Variants in NAP1L4 observed in about 807,000 individuals in gnomAD.
NAP1L4 encodes the protein nucleosome assembly protein 1-like 4.
NAP1L4 carries 15 observed loss-of-function variants against 58.2 expected under a neutral mutation model. The ratio of observed to expected loss-of-function variants is 0.26; its 90% CI spans 0.17 to 0.40. The LOEUF (loss-of-function observed/expected upper bound fraction) is 0.40, where lower values mean the gene tolerates loss of function less well. Ranked by LOEUF, NAP1L4 falls within the 10% of genes least tolerant of loss-of-function variation. NAP1L4 has a pLI of 1.00. For synonymous variants in NAP1L4, 171 were observed against 155.6 expected (o/e 1.10, Z -0.74); for missense variants, 384 against 451.1 (o/e 0.85, Z 1.35).
intron 3 of NAP1L4, among the ~76,000 whole-genome samples, chr11:2,976,803 C>T (rs749262416): frequency 6.6e-6 from 1 of 152,184 alleles, no homozygotes; most frequent in Non-Finnish European, 1.5e-5. Context: ...GAGATCCTGA[C>T]AAGGTAGTGA....
intron 1 of NAP1L4, 182 bp downstream of exon 1, chr11:2,992,072 C>CCCGCCGCGG (rs1223138467): frequency 6.6e-6 from 1 of 151,980 alleles, no homozygotes; most frequent in Non-Finnish European, 1.5e-5. Context: ...AGCCCCAGGC[C>CCCGCCGCGG]CCGCCGCGGC....
At chr11:2,983,239 C>T (rs1005420319) in intron 1 of NAP1L4, among the ~76,000 whole-genome samples, 1 of 152,136 alleles carries the variant, frequency 6.6e-6, no homozygotes, top group African/African-American at 2.4e-5. Context: ...AAGCATAAAC[C>T]ACCTGTGTTA....
chr11:2,955,497 T>C lies in NAP1L4; in HGVS notation c.915+247A>G, dbSNP rs1310984379. 6.6e-6 allele frequency among the ~76,000 whole-genome samples: 1 copy of C among 152,070 alleles called. No homozygotes were observed. The highest frequency in any genetic ancestry group is 1.5e-5 in the Non-Finnish European group (1 of 68,014). ...CTGGTATTACGGGCGTGAACCACCA[T>C]GTTCGGCTGGCTAATTTATTTGGTT... On this transcript the variant is annotated intron_variant, in intron 11 of 15. Transcript: ENST00000380542. This position sits in a 1 kb window ranked among gnomAD's most constrained non-coding sequence, Gnocchi z 4.2.
At chr11:2,973,027 C>T (rs149229041) in intron 4 of NAP1L4, among the ~76,000 whole-genome samples, 1 of 152,220 alleles carries the variant, frequency 6.6e-6, no homozygotes, top group Non-Finnish European at 1.5e-5. Flanking sequence ...GAGTGTCCGT[C>T]GATAGATCTG....
rs1477942942 is a variant in NAP1L4 at position 2,954,442 on chromosome 11, G to A, written c.1035+85C>T. 4 of 1,585,888 alleles carry A rather than the reference G, an allele frequency of 2.5e-6. No homozygotes were observed. The highest frequency in any genetic ancestry group is 2.2e-5 in the South Asian group (2 of 90,338). ...ATGTAATAAAAAGATTAGGCATGGG[G>A]GTTTCCTAAGCCACAATTCAGGGCC... On this transcript the variant is annotated intron_variant, in intron 12 of 15. Transcript: ENST00000380542. This position sits in a 1 kb window ranked among gnomAD's most constrained non-coding sequence, Gnocchi z 4.8.
chr11:2,971,580 T>C lies in NAP1L4; in HGVS notation c.316-46A>G. On this transcript the variant is annotated intron_variant, in intron 5 of 15. Coordinates refer to ENST00000380542, the MANE Select transcript of NAP1L4 (RefSeq NM_005969.4). This position sits in a 1 kb window ranked among gnomAD's most constrained non-coding sequence, Gnocchi z 4.2. The stretch of plus-strand genomic sequence containing the variant: ...ATTAGAATTATGTTATTAGCTTACT[T>C]AGGAACTCAAGAGTTAAATTTATAA... 1 of 1,495,200 alleles carries C rather than the reference T, an allele frequency of 6.7e-7. No homozygotes were observed. 92.6% of individuals were successfully genotyped at this position (1,495,200 alleles called of 1,614,324 possible). A position where few individuals can be genotyped will look rare whatever the true frequency, so the allele number is the denominator to read the frequency against.
chr11:2,988,922 C>A (rs1341005977), intron 1 of NAP1L4, among the ~76,000 whole-genome samples: 1 of 152,176 alleles, frequency 6.6e-6, no homozygotes, highest in African/African-American at 2.4e-5. Flanking sequence ...GTAAAGCAAC[C>A]CTGTTCTCTC....
chr11:2,968,581 C>T (rs1214679601), intron 7 of NAP1L4, among the ~76,000 whole-genome samples: 1 of 152,184 alleles, frequency 6.6e-6, no homozygotes, highest in Non-Finnish European at 1.5e-5. Context: ...AAGCATTAAA[C>T]AAGGGAGGTA....
chr11:2,964,222 T>TAC (rs932349760), intron 8 of NAP1L4, among the ~76,000 whole-genome samples: 2 of 152,220 alleles, frequency 1.3e-5, no homozygotes, highest in African/African-American at 4.8e-5. Flanking sequence ...GTTAAACATA[T>TAC]ACATTAGATG....
At chr11:2,979,620 A>C (rs1002511951) in intron 1 of NAP1L4, among the ~76,000 whole-genome samples, 60 of 152,036 alleles carry the variant, frequency 3.9e-4, no homozygotes, top group African/African-American at 1.4e-3. Flanking sequence ...TAAAAATACA[A>C]AATTAGCTGA....
intron 4 of NAP1L4, among the ~76,000 whole-genome samples, chr11:2,974,279 T>A (rs1338595890): frequency 6.6e-6 from 1 of 152,188 alleles, no homozygotes; most frequent in Non-Finnish European, 1.5e-5. Flanking sequence ...GACCCTAGTG[T>A]GCCCCCAACA....
At chr11:2,950,745 C>T (rs943392817) in intron 14 of NAP1L4, among the ~76,000 whole-genome samples, 7 of 152,152 alleles carry the variant, frequency 4.6e-5, no homozygotes, top group African/African-American at 1.7e-4. Context: ...ACTCAGTTTT[C>T]TTTAGTAAAC....
chr11:2,978,926 T>C (rs1011120865), intron 2 of NAP1L4, among the ~76,000 whole-genome samples: 3 of 152,160 alleles, frequency 2.0e-5, no homozygotes, highest in Admixed American at 6.5e-5. Flanking sequence ...CTACAGACTG[T>C]TAGGAGAGTG....
At chr11:2,953,212 T>A (rs1283528696) in intron 12 of NAP1L4, among the ~76,000 whole-genome samples, 1 of 152,240 alleles carries the variant, frequency 6.6e-6, no homozygotes, top group Admixed American at 6.5e-5. Context: ...AACGCACATG[T>A]ACTATAAGCA....
At chr11:2,964,822 G>T in intron 7 of NAP1L4, 71 bp from the exon 8 acceptor site, 2 of 1,122,988 alleles carry the variant, frequency 1.8e-6, no homozygotes, top group Non-Finnish European at 2.6e-6. Flanking sequence ...AAGAGTCATG[G>T]TTGCAGAGGC....
chr11:2,956,665 A>G (rs1846561846), intron 10 of NAP1L4, among the ~76,000 whole-genome samples: 1 of 152,222 alleles, frequency 6.6e-6, no homozygotes, highest in Non-Finnish European at 1.5e-5. Flanking sequence ...GGTTTTAGAC[A>G]TGGGTTAGGA....
chr11:2,975,989 C>A, intron 4 of NAP1L4, 35 bp downstream of exon 4: 1 of 1,542,682 alleles, frequency 6.5e-7, no homozygotes, highest in Non-Finnish European at 8.8e-7. Flanking sequence ...TTTGTTTCTC[C>A]AAATTGCATG....
In NAP1L4 at chr11:2,983,994, G is replaced by GA. The variant is rs60380157; in HGVS notation, c.-17-4758dup. On this transcript the variant is annotated intron_variant, in intron 1 of 15. Transcript: ENST00000380542. ...GAGTGAGACTGTCTCAAAACAAAAA[G>GA]AAAAAAAAAAAAAATGAGGCTGGAC... 2.8e-3 allele frequency among the ~76,000 whole-genome samples: 390 copies of GA among 137,180 alleles called. 2 individuals carry two copies. Among genetic ancestry groups the GA allele is most frequent in the Middle Eastern group, 0.019 (5 of 266 alleles). 90.0% of individuals were successfully genotyped at this position (137,180 alleles called of 152,430 possible).
chr11:2,991,220 G>A, intron 1 of NAP1L4: 1 of 439,528 alleles, frequency 2.3e-6, no homozygotes, highest in Non-Finnish European at 4.7e-6. Flanking sequence ...CCCTAAACAT[G>A]TCTGCCTCCT....
Sources: gnomAD v4.1 joint callset for allele counts (sites outside exome capture counted in the v4.1 genomes callset) on GRCh38, gnomAD v4.1.1 for gene constraint, Gnocchi (gnomAD v3.1) non-coding constraint, MANE v1.5 for transcripts, NCBI Gene and HGNC (gene_info 2026-07-23, HGNC 2026-07-21) for gene names.